Variants in RARG observed in about 807,000 individuals in gnomAD.
RARG encodes the protein retinoic acid receptor gamma.
In RARG, 17 loss-of-function variants were observed where a neutral mutation model predicts 43.7. The ratio of observed to expected loss-of-function variants is 0.39; its 90% CI spans 0.27 to 0.58. The LOEUF (loss-of-function observed/expected upper bound fraction) is 0.58. Among genes scored for constraint, RARG ranks in the 20% least tolerant of loss-of-function variants. RARG has a pLI of 0.57. For missense variants in RARG, 346 were observed against 598.7 expected (o/e 0.58, Z 4.40); for synonymous variants, 238 against 236.4 (o/e 1.01, Z -0.06).
At chr12:53,220,043 C>T (rs1942906862) in intron 3 of RARG, 1 of 1,545,542 alleles carries the variant, frequency 6.5e-7, no homozygotes, top group African/African-American at 1.4e-5. Context: ...GCCCCGGGCC[C>T]GGCCGCCCCG....
chr12:53,223,985 G>A (rs1165947940), intron 3 of RARG, among the ~76,000 whole-genome samples: 1 of 152,102 alleles, frequency 6.6e-6, no homozygotes, highest in African/African-American at 2.4e-5. Context: ...AGGACGGCAA[G>A]GCTTCCCTTC....
At position 53,232,148 on chromosome 12, in the gene RARG, G is replaced by A. The variant is rs1943252024; in HGVS notation, c.-384C>T. On this transcript the variant is annotated 5_prime_UTR_variant, in exon 1 of 10. Coordinates refer to ENST00000425354, the MANE Select transcript of RARG (RefSeq NM_000966.6). ...TCGGAGCCCGCCCGCCCACGTGACC[G>A]CCCCAAAATATCCGACACATTTTCT... 3 of 398,362 alleles carry A rather than the reference G, an allele frequency of 7.5e-6. No homozygotes were observed. The highest frequency in any genetic ancestry group is 6.2e-5 in the African/African-American group (3 of 48,614). 24.7% of individuals were successfully genotyped at this position (398,362 alleles called of 1,614,324 possible).
intron 6 of RARG, 45 bp downstream of exon 6, chr12:53,214,401 A>G (rs1322053293): frequency 6.3e-7 from 1 of 1,593,386 alleles, no homozygotes; most frequent in African/African-American, 1.3e-5. Context: ...CCATTCCCCA[A>G]AGTGAAGAGT....
intron 3 of RARG, chr12:53,220,208 G>A (rs1040215303): frequency 5.8e-6 from 9 of 1,546,102 alleles, no homozygotes; most frequent in East Asian, 2.4e-5. Context: ...GGAGGGGGAG[G>A]GCTAGCATAG....
intron 3 of RARG, among the ~76,000 whole-genome samples, chr12:53,222,233 G>GAA (rs1555181728): frequency 6.7e-6 from 1 of 149,686 alleles, no homozygotes; most frequent in African/African-American, 2.5e-5. Context: ...AAGAAAGAGA[G>GAA]AGAAAGAAAA....
At chr12:53,226,421 A>C (rs1312206695) in intron 3 of RARG, among the ~76,000 whole-genome samples, 1 of 151,862 alleles carries the variant, frequency 6.6e-6, no homozygotes, top group African/African-American at 2.4e-5. Context: ...TCTGCCTCCC[A>C]GGTTCAAGCG....
In RARG at chr12:53,228,468, C is replaced by T. The variant is rs543458116; in HGVS notation, c.-142-781G>A. The stretch of plus-strand genomic sequence containing the variant: ...AGTTCTCTTTGTACCTTATTTTCCT[C>T]CATACTCTGCTTCAGTAAGCACTTC... On this transcript the variant is annotated intron_variant, in intron 2 of 9. Coordinates refer to ENST00000425354, the MANE Select transcript of RARG (RefSeq NM_000966.6). Among the ~76,000 whole-genome samples the T allele has an allele frequency of 5.9e-5, 9 of 152,310 alleles. No individual in the cohort carries two copies. In the East Asian group the frequency reaches 1.7e-3, roughly 29 times the overall value.
chr12:53,213,005 G>T lies in RARG; in HGVS notation c.1177+80C>A. 1 of 1,460,006 alleles carries T rather than the reference G, an allele frequency of 6.8e-7. No homozygotes were observed. 90.4% of individuals were successfully genotyped at this position (1,460,006 alleles called of 1,614,324 possible). On this transcript the variant is annotated intron_variant, in intron 9 of 9. Coordinates refer to ENST00000425354, the MANE Select transcript of RARG (RefSeq NM_000966.6). This position sits in a 1 kb window ranked among gnomAD's most constrained non-coding sequence, Gnocchi z 4.7. ...CCTGGTTCTCAACTACTCTGTTCTTGTCTCTGTGTGTCCTCCTGTCCGACC... is the reference window on the plus strand; with the variant it reads ...CCTGGTTCTCAACTACTCTGTTCTTTTCTCTGTGTGTCCTCCTGTCCGACC...
In RARG at chr12:53,214,601, G is replaced by A; in HGVS notation, c.481C>T (p.Arg161Ter). 6.2e-7 allele frequency: 1 copy of A among 1,602,232 alleles called. No homozygotes were observed. ...TTCTTCTTCTTGTTCCGGTCATTTC[G>A]CACAGCTTGTGGGTGGAGGCGCAAG... ...FEVGMSKEAV[R>*]NDRNKKKKEV... The change falls in exon 6 of 10, where the codon CGA becomes TGA. Residue 161 changes from arginine (R) to a stop codon, truncating the protein, a stop_gained. Coordinates refer to ENST00000425354, the MANE Select transcript of RARG (RefSeq NM_000966.6). LOFTEE classifies it high-confidence loss of function.
intron 3 of RARG, among the ~76,000 whole-genome samples, chr12:53,224,535 C>T (rs534002096): frequency 3.3e-5 from 5 of 152,266 alleles, no homozygotes; most frequent in African/African-American, 1.2e-4. Flanking sequence ...CAAAAAGGGA[C>T]AGCAGGTCGG....
At chr12:53,216,847 C>T (rs557887337) in intron 3 of RARG, among the ~76,000 whole-genome samples, 5,237 of 114,454 alleles carry the variant, frequency 0.046, 133 homozygotes, top group South Asian at 0.15. Context: ...TGTGTGCGCG[C>T]GCGCGCGCGC....
At chr12:53,217,362 G>A (rs1192962019) in intron 3 of RARG, among the ~76,000 whole-genome samples, 5 of 152,190 alleles carry the variant, frequency 3.3e-5, no homozygotes, top group African/African-American at 1.2e-4. Context: ...TGTCCTCCAA[G>A]GGCACGTGTT....
intron 5 of RARG, chr12:53,214,940 G>C (rs190828905): frequency 1.7e-4 from 56 of 324,014 alleles, no homozygotes; most frequent in African/African-American, 1.1e-3. Flanking sequence ...ATGGGGGCGA[G>C]GGGGGGGTGG....
intron 3 of RARG, chr12:53,220,274 A>G: frequency 5.8e-6 from 6 of 1,027,090 alleles, no homozygotes; most frequent in Non-Finnish European, 7.7e-6. Context: ...GATCCCCAGC[A>G]GGGGAAAGGG....
chr12:53,224,709 C>G (rs1276020232), intron 3 of RARG, among the ~76,000 whole-genome samples: 1 of 151,818 alleles, frequency 6.6e-6, no homozygotes, highest in Non-Finnish European at 1.5e-5. Context: ...ACCCCCAAGC[C>G]TTCCCCTCCT....
intron 9 of RARG, among the ~76,000 whole-genome samples, chr12:53,212,727 A>ATATAT (rs1942628946): frequency 6.9e-6 from 1 of 144,680 alleles, no homozygotes; most frequent in African/African-American, 2.6e-5. Flanking sequence ...TTTGTCTCTA[A>ATATAT]ATATATATAT....
rs1943140870 is a variant in RARG, at chr12:53,227,667, C to G, written c.-122G>C. The G allele has an allele frequency of 7.6e-7, 1 of 1,323,676 alleles. No individual in the cohort carries two copies. The highest frequency in any genetic ancestry group is 1.5e-5 in the African/African-American group (1 of 65,344). The allele number at this position is 1,323,676 out of a possible 1,614,324, so 82.0% of individuals were successfully genotyped here. A position where few individuals can be genotyped will look rare whatever the true frequency, so the allele number is the denominator to read the frequency against. ...CTCCGTACCCGCCCTGCCTGGCCTG[C>G]CCACTGGGCCTCCAAAAGTCCTAGG... On this transcript the variant is annotated 5_prime_UTR_variant, in exon 3 of 10. Coordinates refer to ENST00000425354, the MANE Select transcript of RARG (RefSeq NM_000966.6). The surrounding 1 kb of genome is among the most constrained non-coding windows in gnomAD (Gnocchi z 4.3).
Position 53,227,524 on chromosome 12 carries a change from G to T in RARG, c.22C>A (p.Leu8Ile). The change falls in exon 3 of 10, where the codon CTC (leucine) becomes ATC (isoleucine). Residue 8 changes from leucine to isoleucine, a missense_variant. Physicochemically the swap from Leu to Ile is conservative, Grantham distance 5. Around this residue, in one of 8 missense-constraint regions of RARG, gnomAD observed 90 missense variants for 93.2 expected, o/e 0.97. Coordinates refer to ENST00000425354, the MANE Select transcript of RARG (RefSeq NM_000966.6). The surrounding 1 kb of genome is among the most constrained non-coding windows in gnomAD (Gnocchi z 4.3). Reference protein sequence around the residue: MATNKERLFAAGALGPGS... With the variant: MATNKERIFAAGALGPGS... ...GGCCCCAGGGCACCAGCCGCAAAGAGTCGCTCCTTATTGGTGGCCATGGCA... is the reference window on the plus strand; with the variant it reads ...GGCCCCAGGGCACCAGCCGCAAAGATTCGCTCCTTATTGGTGGCCATGGCA... The T allele has an allele frequency of 6.3e-7, 1 of 1,594,330 alleles. No individual in the cohort carries two copies. The highest frequency in any genetic ancestry group is 8.5e-7 in the Non-Finnish European group (1 of 1,170,984).
chr12:53,219,274 C>CT (rs1361819375), intron 3 of RARG, among the ~76,000 whole-genome samples: 4 of 152,332 alleles, frequency 2.6e-5, no homozygotes, highest in African/African-American at 9.6e-5. Context: ...CCAAACATTT[C>CT]TTTTTTTATA....
Sources: allele counts gnomAD v4.1 joint callset (sites outside exome capture counted in the v4.1 genomes callset), GRCh38; gene constraint gnomAD v4.1.1; regional missense constraint gnomAD v4.1.1; non-coding constraint Gnocchi (gnomAD v3.1); transcripts MANE v1.5; gene names NCBI Gene and HGNC (gene_info 2026-07-23, HGNC 2026-07-21).